Variants in RIOK1 observed in about 807,000 individuals in gnomAD.
The protein encoded by RIOK1 is serine/threonine-protein kinase RIO1.
RIOK1 carries 66 observed loss-of-function variants against 73.5 expected under a neutral mutation model. The observed-to-expected ratio is 0.90, with a 90% CI of 0.74 to 1.10. The LOEUF is 1.10. RIOK1 is among the 50% of genes least tolerant of loss of function. The pLI is 0.00. For missense variants in RIOK1, 658 were observed against 699.8 expected, an observed-to-expected ratio of 0.94 and a Z score of 0.67; for synonymous variants, 224 against 226.8, an observed-to-expected ratio of 0.99 and a Z score of 0.11.
At chr6:7,417,261 A>G in intron 16 of RIOK1, 70 bp from the exon 17 acceptor site, 1 of 1,062,816 alleles carries the variant, frequency 9.4e-7, no homozygotes, top group Non-Finnish European at 1.4e-6. Flanking sequence ...AAAACAAAAA[A>G]CAAAAAACAA....
intron 9 of RIOK1, 40 bp downstream of exon 9, chr6:7,404,067 T>C: frequency 7.3e-7 from 1 of 1,363,084 alleles, no homozygotes; most frequent in Non-Finnish European, 1.0e-6. Context: ...TTCTCAGAAC[T>C]GTATTTTTAA....
intron 12 of RIOK1, among the ~76,000 whole-genome samples, chr6:7,406,819 C>T (rs992598199): frequency 1.3e-5 from 2 of 152,114 alleles, no homozygotes; most frequent in African/African-American, 2.4e-5. Context: ...AGCCACTACA[C>T]CCGGCTAATT....
rs189010077 is a variant in RIOK1 at position 7,404,044 on chromosome 6, G to A, written c.854+17G>A. On this transcript the variant is annotated intron_variant, in intron 9 of 16. Coordinates refer to ENST00000379834, the MANE Select transcript of RIOK1 (RefSeq NM_031480.3). ...AGATGACATGTAAGTACATGGAAGG[G>A]CTAATAATTGCATTCTCAGAACTGT... The A allele has an allele frequency of 2.3e-5, 34 of 1,488,906 alleles. No individual in the cohort carries two copies. The African/African-American group carries it at 3.7e-4, about 16-fold the overall frequency. 92.2% of individuals were successfully genotyped at this position (1,488,906 alleles called of 1,614,324 possible). A position where few individuals can be genotyped will look rare whatever the true frequency, so the allele number is the denominator to read the frequency against.
Position 7,396,201 on chromosome 6 carries a change from G to A in RIOK1, c.368-502G>A, listed in dbSNP as rs187335152. On this transcript the variant is annotated intron_variant, in intron 3 of 16. Transcript: ENST00000379834. ...GAAAATGTAAGAGGGATGGAGGGAA[G>A]GAAGGAAGGCCATCTTTCTATTCTT... 4.3e-3 allele frequency among the ~76,000 whole-genome samples: 661 copies of A among 152,228 alleles called. 3 individuals are homozygous for A. Among genetic ancestry groups the A allele is most frequent in the African/African-American group, 0.015 (622 of 41,544 alleles).
At chr6:7,406,006 T>A (rs1010442008) in intron 12 of RIOK1, among the ~76,000 whole-genome samples, 41 of 151,736 alleles carry the variant, frequency 2.7e-4, no homozygotes, top group African/African-American at 9.0e-4. Flanking sequence ...TTTCTTTTTT[T>A]TTCTTTTTTG....
intron 4 of RIOK1, among the ~76,000 whole-genome samples, chr6:7,397,341 A>C (rs1761499187): frequency 6.6e-6 from 1 of 152,232 alleles, no homozygotes; most frequent in African/African-American, 2.4e-5. Flanking sequence ...AAATTTACAA[A>C]TGTGTTCTTA....
At chr6:7,404,822 G>C (rs1342755326) in intron 10 of RIOK1, 96 bp from the exon 11 acceptor site, 2 of 1,098,826 alleles carry the variant, frequency 1.8e-6, no homozygotes, top group Non-Finnish European at 2.7e-6. Flanking sequence ...GTGATTTTGT[G>C]AGCTACTTCC....
At chr6:7,410,335 G>A in intron 12 of RIOK1, 51 bp from the exon 13 acceptor site, 4 of 1,253,574 alleles carry the variant, frequency 3.2e-6, no homozygotes, top group Non-Finnish European at 3.5e-6. Flanking sequence ...ACATGGATGT[G>A]CCTTCTGCAG....
At chr6:7,392,992 A>C in intron 1 of RIOK1, 107 bp from the exon 2 acceptor site, 1 of 1,307,866 alleles carries the variant, frequency 7.6e-7, no homozygotes, top group Non-Finnish European at 1.0e-6. Context: ...TAAATATATA[A>C]TCTTTTAGAT....
chr6:7,402,949 C>T, intron 8 of RIOK1, 52 bp downstream of exon 8: 1 of 1,509,258 alleles, frequency 6.6e-7, no homozygotes, highest in Non-Finnish European at 9.1e-7. Context: ...ACATGAACAT[C>T]AGCCCTTCCT....
intron 8 of RIOK1, 29 bp downstream of exon 8, chr6:7,402,926 T>C (rs1200530333): frequency 6.3e-7 from 1 of 1,594,256 alleles, no homozygotes; most frequent in Non-Finnish European, 8.6e-7. Flanking sequence ...TGTATGTCTG[T>C]CCTATGCCCT....
chr6:7,394,607 G>A (rs1385296846), intron 2 of RIOK1, among the ~76,000 whole-genome samples: 1 of 152,160 alleles, frequency 6.6e-6, no homozygotes, highest in East Asian at 1.9e-4. Context: ...TTTGCGCATA[G>A]CACCAGCGTA....
At chr6:7,411,295 G>A (rs1251822325) in intron 13 of RIOK1, 37 bp from the exon 14 acceptor site, 7 of 1,608,568 alleles carry the variant, frequency 4.4e-6, no homozygotes, top group Non-Finnish European at 5.9e-6. Flanking sequence ...AGAAGTGTAT[G>A]AATAACAGTT....
intron 14 of RIOK1, chr6:7,411,652 A>G: frequency 2.0e-6 from 1 of 504,096 alleles, no homozygotes; most frequent in Non-Finnish European, 3.5e-6. Flanking sequence ...GAGGTAACAC[A>G]TTTGAATGAA....
chr6:7,407,420 T>G (rs1241630105), intron 12 of RIOK1, among the ~76,000 whole-genome samples: 1 of 152,208 alleles, frequency 6.6e-6, no homozygotes, highest in Non-Finnish European at 1.5e-5. Context: ...TTTCCCTGAT[T>G]ACTAGTGACG....
chr6:7,390,468 G>A (rs1227499194), intron 1 of RIOK1, among the ~76,000 whole-genome samples: 2 of 152,326 alleles, frequency 1.3e-5, no homozygotes, highest in East Asian at 3.9e-4. Flanking sequence ...TGCTGTCATG[G>A]AACTTTACCT....
chr6:7,398,077 G>T lies in RIOK1; in HGVS notation c.438-621G>T, dbSNP rs1298672744. 3.9e-5 allele frequency among the ~76,000 whole-genome samples: 6 copies of T among 152,232 alleles called. No homozygotes were observed. In the South Asian group the frequency reaches 6.2e-4, roughly 16 times the overall value. On this transcript the variant is annotated intron_variant, in intron 4 of 16. Coordinates refer to ENST00000379834, the MANE Select transcript of RIOK1 (RefSeq NM_031480.3). ...GAATGGCGTGAACCCGGGAGGCAGA[G>T]CTTGCAGTGAGCCGAGATCGTGCCA...
intron 4 of RIOK1, among the ~76,000 whole-genome samples, chr6:7,397,203 G>C (rs750935148): frequency 6.6e-6 from 1 of 152,198 alleles, no homozygotes; most frequent in South Asian, 2.1e-4. Flanking sequence ...GGTGGAGGTT[G>C]CAGTGAGCCA....
At chr6:7,394,106 A>G (rs1761409688) in intron 2 of RIOK1, among the ~76,000 whole-genome samples, 1 of 152,150 alleles carries the variant, frequency 6.6e-6, no homozygotes, top group African/African-American at 2.4e-5. Context: ...CTGGAGCATA[A>G]AGGTTAATCC....
Sources: allele counts gnomAD v4.1 joint callset (sites outside exome capture counted in the v4.1 genomes callset), GRCh38; gene constraint gnomAD v4.1.1; transcripts MANE v1.5; gene names NCBI Gene and HGNC (gene_info 2026-07-23, HGNC 2026-07-21).